NBEA: variants seen among roughly 807,000 people sequenced by gnomAD.
NBEA encodes the protein neurobeachin.
A neutral mutation model predicts 343.4 loss-of-function variants in NBEA; 44 were observed. That is an observed-to-expected ratio of 0.13 (90% CI 0.10 to 0.16). The LOEUF (loss-of-function observed/expected upper bound fraction) is 0.16, where lower values mean the gene tolerates loss of function less well. NBEA is among the 10% of genes least tolerant of loss of function. The pLI, the probability that NBEA is intolerant of heterozygous loss-of-function variation, is 1.00. For missense variants in NBEA, 2,555 were observed against 3,631.3 expected (o/e 0.70, Z 7.62); for synonymous variants, 1,175 against 1,238.7 (o/e 0.95, Z 1.08).
At position 34,978,989 on chromosome 13, in the gene NBEA, A is replaced by C. The variant is rs59365588; in HGVS notation, c.294+35875A>C. Among the ~76,000 whole-genome samples the C allele has an allele frequency of 6.4e-3, 968 of 152,274 alleles. 11 individuals are homozygous for C. The highest frequency in any genetic ancestry group is 0.022 in the African/African-American group (927 of 41,552). ...TTTTGGGTAAATACCTAAGAATGTA[A>C]TTATCAGGTAGAGAGATGGCATATG... On this transcript the variant is annotated intron_variant, in intron 1 of 58. Transcript: ENST00000379939.
intron 16 of NBEA, 33 bp from the exon 17 acceptor site, chr13:35,123,449 A>G (rs1226023143): frequency 1.6e-6 from 2 of 1,260,870 alleles, no homozygotes; most frequent in Non-Finnish European, 2.1e-6. Flanking sequence ...TAATATTAGT[A>G]AGTTTTTAAA....
chr13:35,133,640 G>T (rs1267347585), intron 17 of NBEA, among the ~76,000 whole-genome samples: 2 of 151,978 alleles, frequency 1.3e-5, no homozygotes, highest in Admixed American at 1.3e-4. Flanking sequence ...AATGAATGAA[G>T]TAAAGTTACC....
At chr13:35,628,285 G>T in intron 49 of NBEA, 37 bp downstream of exon 49, 3 of 1,439,024 alleles carry the variant, frequency 2.1e-6, no homozygotes, top group African/African-American at 1.4e-5. Context: ...AAAAATTTCT[G>T]TCATCTCTCA....
intron 38 of NBEA, among the ~76,000 whole-genome samples, chr13:35,358,073 G>A (rs1386938933): frequency 2.0e-5 from 3 of 152,082 alleles, no homozygotes; most frequent in African/African-American, 7.2e-5. Context: ...CCAGGCTGAA[G>A]TTCAGTGGCA....
chr13:34,982,875 TAA>T lies in NBEA; in HGVS notation c.294+39762_294+39763del, dbSNP rs896445855. Among the ~76,000 whole-genome samples, 38 of 152,304 alleles carry T rather than the reference TAA, an allele frequency of 2.5e-4. 1 individual carries two copies. Among genetic ancestry groups the T allele is most frequent in the Admixed American group, 1.8e-3 (28 of 15,286 alleles). On this transcript the variant is annotated intron_variant, in intron 1 of 58. Coordinates refer to ENST00000379939, the MANE Select transcript of NBEA (RefSeq NM_001385012.1). ...TTTATCAGTTATTGAGAAAGGGTCT[TAA>T]GAGTCTCAACTATGATTGTGGAATT...
At chr13:35,569,773 C>G (rs1342434813) in intron 45 of NBEA, among the ~76,000 whole-genome samples, 1 of 152,134 alleles carries the variant, frequency 6.6e-6, no homozygotes, top group Non-Finnish European at 1.5e-5. Flanking sequence ...CTGTGCCTCA[C>G]TGGGGAGTAC....
chr13:35,390,051 G>A (rs989006290), intron 38 of NBEA, among the ~76,000 whole-genome samples: 2 of 146,106 alleles, frequency 1.4e-5, no homozygotes, highest in African/African-American at 5.1e-5. Context: ...ACATATATTT[G>A]TATAATATTT....
intron 31 of NBEA, among the ~76,000 whole-genome samples, chr13:35,197,338 G>A (rs1163936626): frequency 1.3e-5 from 2 of 151,994 alleles, no homozygotes; most frequent in African/African-American, 4.8e-5. Context: ...GTTTTAGAAA[G>A]ACAAGATCAA....
At chr13:35,658,163 TA>T (rs1350083542) in intron 55 of NBEA, among the ~76,000 whole-genome samples, 1 of 152,130 alleles carries the variant, frequency 6.6e-6, no homozygotes, top group Non-Finnish European at 1.5e-5. Context: ...TTATATTTGT[TA>T]AAAAGCAGTG....
At chr13:35,208,193 T>C (rs2073524164) in intron 31 of NBEA, among the ~76,000 whole-genome samples, 1 of 152,168 alleles carries the variant, frequency 6.6e-6, no homozygotes, top group Admixed American at 6.5e-5. Context: ...GTGCTCTGCC[T>C]GGGTGACCGA....
chr13:35,291,577 A>C (rs1354930506), intron 35 of NBEA, among the ~76,000 whole-genome samples: 3 of 151,962 alleles, frequency 2.0e-5, no homozygotes, highest in African/African-American at 7.2e-5. Flanking sequence ...TGAAGTCCTG[A>C]GTTCGAGAGA....
chr13:35,120,584 T>C (rs1467911016), intron 16 of NBEA, among the ~76,000 whole-genome samples: 1 of 152,212 alleles, frequency 6.6e-6, no homozygotes, highest in Non-Finnish European at 1.5e-5. Flanking sequence ...AATTCTAGTC[T>C]GTTGTAATTC....
At chr13:35,013,585 C>G (rs187754050) in intron 1 of NBEA, among the ~76,000 whole-genome samples, 1 of 152,092 alleles carries the variant, frequency 6.6e-6, no homozygotes, top group African/African-American at 2.4e-5. Flanking sequence ...ATTCTCCTGC[C>G]TCTGCCTCCC....
chr13:35,399,265 G>A (rs769705571), intron 38 of NBEA, among the ~76,000 whole-genome samples: 1 of 152,090 alleles, frequency 6.6e-6, no homozygotes, highest in Non-Finnish European at 1.5e-5. Flanking sequence ...TTTTGCTTTT[G>A]TATTAGTGTT....
At chr13:35,544,985 G>C (rs2079001133) in intron 41 of NBEA, among the ~76,000 whole-genome samples, 1 of 152,008 alleles carries the variant, frequency 6.6e-6, no homozygotes, top group Non-Finnish European at 1.5e-5. Context: ...GCTTAAGAAA[G>C]AAAACAAAAC....
intron 36 of NBEA, among the ~76,000 whole-genome samples, chr13:35,309,928 G>C (rs2037244379): frequency 2.6e-5 from 4 of 152,082 alleles, no homozygotes; most frequent in Admixed American, 2.6e-4. Flanking sequence ...GCAGTGCTCA[G>C]TGTTTACTCC....
At chr13:35,129,604 A>G (rs1282281236) in intron 17 of NBEA, among the ~76,000 whole-genome samples, 1 of 152,166 alleles carries the variant, frequency 6.6e-6, no homozygotes, top group Non-Finnish European at 1.5e-5. Context: ...GCAAGATTAC[A>G]ACCATGACAT....
chr13:35,654,753 T>C, intron 53 of NBEA, 102 bp from the exon 54 acceptor site: 1 of 908,926 alleles, frequency 1.1e-6, no homozygotes, highest in Non-Finnish European at 1.6e-6. Context: ...AAAAAACTAT[T>C]TCTGGATAAA....
At chr13:35,633,836 T>TA (rs1339655249) in intron 49 of NBEA, among the ~76,000 whole-genome samples, 1 of 152,180 alleles carries the variant, frequency 6.6e-6, no homozygotes, top group Non-Finnish European at 1.5e-5. Flanking sequence ...AATTTAATTT[T>TA]AAAAAATCTG....
Sources: allele counts gnomAD v4.1 joint callset (sites outside exome capture counted in the v4.1 genomes callset), GRCh38; gene constraint gnomAD v4.1.1; transcripts MANE v1.5; gene names NCBI Gene and HGNC (gene_info 2026-07-23, HGNC 2026-07-21).